The following NFIX variants were observed in gnomAD, a reference collection of about 807,000 sequenced individuals.
NFIX encodes the protein nuclear factor 1 X-type.
Under a neutral mutation model 53.3 loss-of-function variants are expected in NFIX, and 2 were observed. The observed-to-expected ratio is 0.04, with a 90% CI of 0.02 to 0.12. The LOEUF is 0.12. Among genes scored for constraint, NFIX ranks in the 10% least tolerant of loss-of-function variants. NFIX has a pLI of 1.00. For missense variants in NFIX, 310 were observed against 674.5 expected (o/e 0.46, Z 5.99); for synonymous variants, 244 against 289.0 (o/e 0.84, Z 1.58).
chr19:13,062,521 C>T (rs1249583680), intron 2 of NFIX, among the ~76,000 whole-genome samples: 1 of 152,206 alleles, frequency 6.6e-6, no homozygotes, highest in African/African-American at 2.4e-5. Flanking sequence ...GGCTGATGGT[C>T]TAGTGGGGTG....
intron 10 of NFIX, among the ~76,000 whole-genome samples, chr19:13,092,087 G>GGGCCTGGGGGCAGGCA (rs1169208355): frequency 3.9e-5 from 6 of 152,234 alleles, no homozygotes; most frequent in Middle Eastern, 3.4e-3. Flanking sequence ...TGGAGCCCTC[G>GGGCCTGGGGGCAGGCA]GGCCTGGGGG....
At chr19:13,007,525 G>T (rs1376951076) in intron 1 of NFIX, among the ~76,000 whole-genome samples, 1 of 152,198 alleles carries the variant, frequency 6.6e-6, no homozygotes, top group Admixed American at 6.5e-5. Context: ...GCCCTGGCAT[G>T]GCAAGGGCAA....
In NFIX at chr19:13,088,199, C is replaced by T. The variant is rs2017903773; in HGVS notation, c.1402+63C>T. 6.6e-7 allele frequency: 1 copy of T among 1,518,136 alleles called. No individual in the cohort carries two copies. Among genetic ancestry groups the T allele is most frequent in the Non-Finnish European group, 8.8e-7 (1 of 1,134,610 alleles). 94.0% of individuals were successfully genotyped at this position (1,518,136 alleles called of 1,614,324 possible). A position where few individuals can be genotyped will look rare whatever the true frequency, so the allele number is the denominator to read the frequency against. ...GTCCCCGGCCCGTCCAAACAGTCTCCACTGCAAAAAGAAAAGCCTTCCCCC... is the reference window on the plus strand; with the variant it reads ...GTCCCCGGCCCGTCCAAACAGTCTCTACTGCAAAAAGAAAAGCCTTCCCCC... On this transcript the variant is annotated intron_variant, in intron 9 of 10. Coordinates refer to ENST00000592199, the MANE Select transcript of NFIX (RefSeq NM_001365902.3). This position sits in a 1 kb window ranked among gnomAD's most constrained non-coding sequence, Gnocchi z 5.9.
chr19:13,069,578 C>T (rs536256889), intron 2 of NFIX, among the ~76,000 whole-genome samples: 6 of 152,078 alleles, frequency 3.9e-5, no homozygotes, highest in Admixed American at 1.3e-4. Context: ...AGAGCCACCC[C>T]GGGCTCAGGG....
chr19:12,999,853 CCT>C (rs1245571707), intron 1 of NFIX, among the ~76,000 whole-genome samples: 8 of 152,248 alleles, frequency 5.3e-5, no homozygotes, highest in Admixed American at 4.6e-4. Context: ...GGCCTGGTGC[CCT>C]GTTTTCATGG....
At chr19:13,018,343 G>T (rs1016242349) in intron 1 of NFIX, among the ~76,000 whole-genome samples, 2 of 117,570 alleles carry the variant, frequency 1.7e-5, no homozygotes, top group African/African-American at 2.9e-5. Flanking sequence ...GGCGGGGGGG[G>T]GGGGGGGGCG....
At chr19:13,000,318 T>C (rs2011632495) in intron 1 of NFIX, among the ~76,000 whole-genome samples, 1 of 152,024 alleles carries the variant, frequency 6.6e-6, no homozygotes, top group African/African-American at 2.4e-5. Context: ...CAATTGTTGG[T>C]TGTCAACCTC....
At chr19:13,024,436 G>C in intron 1 of NFIX, 1 of 1,431,622 alleles carries the variant, frequency 7.0e-7, no homozygotes, top group Non-Finnish European at 9.1e-7. Context: ...AACAGCCTGG[G>C]GAGAGGGAAG....
At position 13,094,626 on chromosome 19, in the gene NFIX, C is replaced by T. The variant is rs1387681053; in HGVS notation, c.1495-9C>T. 3.3e-6 allele frequency: 5 copies of T among 1,536,058 alleles called. No homozygotes were observed. In the African/African-American group the frequency reaches 5.5e-5, roughly 17 times the overall value. ...TTCTCAGTATCGCCTCTTTTTCATC[C>T]TGTTTCAGTCCTGGTTCCTCTGATA... On this transcript the variant is annotated splice_polypyrimidine_tract_variant and intron_variant, in intron 10 of 10. Coordinates refer to ENST00000592199, the MANE Select transcript of NFIX (RefSeq NM_001365902.3). The surrounding 1 kb of genome is among the most constrained non-coding windows in gnomAD (Gnocchi z 4.3).
chr19:13,007,482 G>A (rs1008231708), intron 1 of NFIX, among the ~76,000 whole-genome samples: 5 of 152,220 alleles, frequency 3.3e-5, no homozygotes, highest in Non-Finnish European at 7.3e-5. Flanking sequence ...GGGCCACCAG[G>A]GGGCTAGGGT....
At position 13,088,282 on chromosome 19, in the gene NFIX, C is replaced by T. The variant is rs1206498330; in HGVS notation, c.1402+146C>T. The T allele has an allele frequency of 8.8e-6, 9 of 1,019,718 alleles. No homozygotes were observed. The highest frequency in any genetic ancestry group is 1.3e-5 in the Non-Finnish European group (9 of 719,024). 63.2% of individuals were successfully genotyped at this position (1,019,718 alleles called of 1,614,324 possible). A position where few individuals can be genotyped will look rare whatever the true frequency, so the allele number is the denominator to read the frequency against. On this transcript the variant is annotated intron_variant, in intron 9 of 10. Coordinates refer to ENST00000592199, the MANE Select transcript of NFIX (RefSeq NM_001365902.3). This position sits in a 1 kb window ranked among gnomAD's most constrained non-coding sequence, Gnocchi z 5.9. ...CCATGGACAAGAGCAGAGCCGAGCCCCCCAACCACAGCCTCCCTCCCGGGC... is the reference window on the plus strand; with the variant it reads ...CCATGGACAAGAGCAGAGCCGAGCCTCCCAACCACAGCCTCCCTCCCGGGC...
At chr19:13,030,140 C>T (rs1410706286) in intron 2 of NFIX, among the ~76,000 whole-genome samples, 2 of 152,234 alleles carry the variant, frequency 1.3e-5, no homozygotes, top group Non-Finnish European at 2.9e-5. Context: ...GCAGCGCCAT[C>T]TGGTGCCAGG....
intron 1 of NFIX, among the ~76,000 whole-genome samples, chr19:13,019,583 T>C (rs946057126): frequency 2.0e-5 from 3 of 152,078 alleles, no homozygotes; most frequent in South Asian, 2.1e-4. Context: ...TTTTTCGTTC[T>C]CCTTCTCTCT....
intron 2 of NFIX, among the ~76,000 whole-genome samples, chr19:13,056,583 G>C (rs963016399): frequency 1.3e-5 from 2 of 152,166 alleles, no homozygotes; most frequent in Non-Finnish European, 2.9e-5. Flanking sequence ...CGGCCTCCCT[G>C]GAGTGGGGTG....
chr19:13,035,763 C>T (rs1453048365), intron 2 of NFIX, among the ~76,000 whole-genome samples: 4 of 152,074 alleles, frequency 2.6e-5, no homozygotes, highest in Admixed American at 2.6e-4. Context: ...ATTCATATAT[C>T]AAGTAACTTT....
chr19:13,077,900 C>T (rs577052785), intron 6 of NFIX, among the ~76,000 whole-genome samples: 206 of 152,232 alleles, frequency 1.4e-3, no homozygotes, highest in Non-Finnish European at 2.3e-3. Flanking sequence ...ATGCCACCCA[C>T]ACCTCTGGCA....
At chr19:13,059,256 T>A (rs1319498677) in intron 2 of NFIX, among the ~76,000 whole-genome samples, 3 of 152,192 alleles carry the variant, frequency 2.0e-5, no homozygotes, top group Non-Finnish European at 4.4e-5. Context: ...TCCCTGTAAT[T>A]CCAGCCGCTG....
At chr19:13,074,766 A>C (rs1163745277) in intron 5 of NFIX, among the ~76,000 whole-genome samples, 1 of 146,808 alleles carries the variant, frequency 6.8e-6, no homozygotes, top group Non-Finnish European at 1.5e-5. Flanking sequence ...ATTCATTTTG[A>C]TTTTTTAAAA....
intron 1 of NFIX, among the ~76,000 whole-genome samples, chr19:13,004,853 G>C (rs2011927627): frequency 6.8e-6 from 1 of 146,356 alleles, no homozygotes; most frequent in Non-Finnish European, 1.5e-5. Flanking sequence ...GTCTCACTCT[G>C]TTGCCCAGGC....
Sources: gnomAD v4.1 joint callset for allele counts (sites outside exome capture counted in the v4.1 genomes callset) on GRCh38, gnomAD v4.1.1 for gene constraint, Gnocchi (gnomAD v3.1) non-coding constraint, MANE v1.5 for transcripts, NCBI Gene and HGNC (gene_info 2026-07-23, HGNC 2026-07-21) for gene names.